The following CYTH3 variants were observed in gnomAD, a reference collection of about 807,000 sequenced individuals.
CYTH3 encodes cytohesin 3.
A neutral mutation model predicts 55.1 loss-of-function variants in CYTH3; 23 were observed. The observed-to-expected ratio is 0.42, with a 90% CI of 0.30 to 0.59. The LOEUF is 0.59. Among genes scored for constraint, CYTH3 ranks in the 20% least tolerant of loss-of-function variants. CYTH3 has a pLI of 0.20. For synonymous variants in CYTH3, 249 were observed against 194.9 expected, an observed-to-expected ratio of 1.28 and a Z score of -2.31; for missense variants, 413 against 524.8, an observed-to-expected ratio of 0.79 and a Z score of 2.08.
chr7:6,232,317 T>C (rs1179439780), intron 1 of CYTH3, among the ~76,000 whole-genome samples: 2 of 152,190 alleles, frequency 1.3e-5, no homozygotes, highest in Non-Finnish European at 2.9e-5. Context: ...ACTCTTAGAT[T>C]AAGCAAGCTC....
intron 1 of CYTH3, among the ~76,000 whole-genome samples, chr7:6,250,484 C>A (rs1045360203): frequency 2.0e-5 from 3 of 152,210 alleles, no homozygotes; most frequent in African/African-American, 7.2e-5. Flanking sequence ...CTCAGTTCCA[C>A]CCACAGGAGA....
At chr7:6,258,435 T>C (rs1780190040) in intron 1 of CYTH3, among the ~76,000 whole-genome samples, 1 of 152,224 alleles carries the variant, frequency 6.6e-6, no homozygotes, top group Admixed American at 6.5e-5. Flanking sequence ...GGTGACACTT[T>C]CACCTCTCCT....
At chr7:6,245,834 G>A (rs889361156) in intron 1 of CYTH3, among the ~76,000 whole-genome samples, 3 of 152,136 alleles carry the variant, frequency 2.0e-5, no homozygotes, top group African/African-American at 7.2e-5. Context: ...AACTTAGGAG[G>A]TCAAGGTTGC....
At position 6,170,644 on chromosome 7, in the gene CYTH3, A is replaced by T. The variant is rs530427375; in HGVS notation, c.714T>A (p.Asn238Lys). The change falls in exon 9 of 13, where the codon AAT (asparagine) becomes AAA (lysine). Residue 238 changes from asparagine to lysine, a missense_variant and splice_region_variant. Around this residue, in one of 4 missense-constraint regions of CYTH3, gnomAD observed 156 missense variants for 233.1 expected, o/e 0.67. Coordinates refer to ENST00000350796, the MANE Select transcript of CYTH3 (RefSeq NM_004227.4). This position sits in a 1 kb window ranked among gnomAD's most constrained non-coding sequence, Gnocchi z 7.8. Reference protein sequence around the residue: ...GGDLPEELLRNLYESIKNEPF... With the variant: ...GGDLPEELLRKLYESIKNEPF... ...GCTCGTTCTTAATGCTCTCATACAAATTCTGCAAGGAGGGAAAACAGCAGC... is the reference window on the plus strand; with the variant it reads ...GCTCGTTCTTAATGCTCTCATACAATTTCTGCAAGGAGGGAAAACAGCAGC... The T allele has an allele frequency of 1.2e-6, 2 of 1,613,522 alleles. No individual in the cohort carries two copies. Among genetic ancestry groups the T allele is most frequent in the South Asian group, 2.2e-5 (2 of 90,982 alleles).
chr7:6,211,846 T>G (rs1284175284), intron 1 of CYTH3, among the ~76,000 whole-genome samples: 1 of 151,814 alleles, frequency 6.6e-6, no homozygotes, highest in African/African-American at 2.4e-5. Flanking sequence ...ATTAGTCAGG[T>G]GTGGTGGCTT....
Position 6,164,419 on chromosome 7 carries a change from C to T in CYTH3, c.*525G>A, listed in dbSNP as rs1782925717. 1 of 153,968 alleles carries T rather than the reference C, an allele frequency of 6.5e-6. No individual in the cohort carries two copies. Among genetic ancestry groups the T allele is most frequent in the Non-Finnish European group, 1.4e-5 (1 of 68,996 alleles). The allele number at this position is 153,968 out of a possible 1,614,324, so 9.5% of individuals were successfully genotyped here. Reference sequence around the variant, plus strand: ...TAAAAAGGCATATAAAAGCTATAATCCTATATATCTGAGAAAAATTCTGAA... The same window carrying T: ...TAAAAAGGCATATAAAAGCTATAATTCTATATATCTGAGAAAAATTCTGAA... On this transcript the variant is annotated 3_prime_UTR_variant, in exon 13 of 13. Transcript: ENST00000350796.
At chr7:6,217,086 T>C (rs1045236765) in intron 1 of CYTH3, among the ~76,000 whole-genome samples, 2 of 152,150 alleles carry the variant, frequency 1.3e-5, no homozygotes, top group Admixed American at 1.3e-4. Flanking sequence ...CTAATTTTTC[T>C]ATTTTTAGTA....
chr7:6,193,731 C>T (rs1047921712), intron 1 of CYTH3, among the ~76,000 whole-genome samples: 6 of 152,170 alleles, frequency 3.9e-5, no homozygotes, highest in Admixed American at 1.3e-4. Context: ...CCTGCCTCTT[C>T]TCTCCCACGC....
At chr7:6,213,209 G>A (rs1360760540) in intron 1 of CYTH3, among the ~76,000 whole-genome samples, 1 of 152,190 alleles carries the variant, frequency 6.6e-6, no homozygotes, top group Admixed American at 6.5e-5. Flanking sequence ...AGACTACTCA[G>A]AACACAGGCT....
chr7:6,165,091 G>C, intron 12 of CYTH3, 75 bp from the exon 13 acceptor site: 2 of 1,599,036 alleles, frequency 1.3e-6, no homozygotes, highest in South Asian at 1.1e-5. Context: ...CAGCCCCAGA[G>C]GCCCCTCAGA....
chr7:6,171,145 C>A lies in CYTH3; in HGVS notation c.562+57G>T. On this transcript the variant is annotated intron_variant, in intron 7 of 12. Transcript: ENST00000350796. This position sits in a 1 kb window ranked among gnomAD's most constrained non-coding sequence, Gnocchi z 6.7. ...TGGGCTGTGCCCACAGGGGCCGCCC[C>A]CTCCAGAGCTGGAGGCTGTGCCTGG... The A allele has an allele frequency of 1.9e-6, 3 of 1,601,030 alleles. No individual in the cohort carries two copies. Among genetic ancestry groups the A allele is most frequent in the South Asian group, 1.1e-5 (1 of 90,794 alleles).
chr7:6,247,541 T>G (rs1779852340), intron 1 of CYTH3, among the ~76,000 whole-genome samples: 1 of 152,246 alleles, frequency 6.6e-6, no homozygotes, highest in South Asian at 2.1e-4. Flanking sequence ...AATTTAACTT[T>G]CTACATTGTA....
At chr7:6,202,362 C>G (rs960423139) in intron 1 of CYTH3, among the ~76,000 whole-genome samples, 4 of 152,116 alleles carry the variant, frequency 2.6e-5, no homozygotes, top group African/African-American at 9.7e-5. Flanking sequence ...GGCCTTCCAG[C>G]TGAATATGAC....
At chr7:6,247,357 T>G (rs1330891488) in intron 1 of CYTH3, among the ~76,000 whole-genome samples, 1 of 152,232 alleles carries the variant, frequency 6.6e-6, no homozygotes, top group Non-Finnish European at 1.5e-5. Flanking sequence ...CTCTTGCTCT[T>G]TCTTGCTCTT....
chr7:6,199,069 T>A (rs1428266520), intron 1 of CYTH3, among the ~76,000 whole-genome samples: 1 of 152,148 alleles, frequency 6.6e-6, no homozygotes, highest in Admixed American at 6.6e-5. Flanking sequence ...GAAAAAACAA[T>A]GTGGAAAGAA....
intron 4 of CYTH3, among the ~76,000 whole-genome samples, chr7:6,182,330 G>A (rs909899240): frequency 4.6e-5 from 7 of 152,080 alleles, no homozygotes; most frequent in Admixed American, 3.3e-4. Context: ...GATTACAGGC[G>A]TGAGCCACCG....
Position 6,268,421 on chromosome 7 carries a change from C to T in CYTH3, c.34+4053G>A, listed in dbSNP as rs11763830. ...CTGACCTCAAATGATCCACCCGCCT[C>T]GGCCTCCCAAAGTGCTAGGATTATA... On this transcript the variant is annotated intron_variant, in intron 1 of 12. Coordinates refer to ENST00000350796, the MANE Select transcript of CYTH3 (RefSeq NM_004227.4). Among the ~76,000 whole-genome samples, 382 of 152,226 alleles carry T rather than the reference C, an allele frequency of 2.5e-3. 2 individuals are homozygous for T. The highest frequency in any genetic ancestry group is 0.01 in the Middle Eastern group (3 of 294).
chr7:6,259,831 TA>T (rs143299178), intron 1 of CYTH3, among the ~76,000 whole-genome samples: 7,882 of 26,682 alleles, frequency 0.3, 1,366 homozygotes, highest in Non-Finnish European at 0.31. Flanking sequence ...TATATATATA[TA>T]TTTTTTTTTT....
intron 9 of CYTH3, among the ~76,000 whole-genome samples, chr7:6,166,483 C>CA (rs1783013077): frequency 6.6e-6 from 1 of 152,212 alleles, no homozygotes; most frequent in Admixed American, 6.5e-5. Flanking sequence ...CTCTCTGCCC[C>CA]ATGCCTCTCC....
Sources: allele counts gnomAD v4.1 joint callset (sites outside exome capture counted in the v4.1 genomes callset), GRCh38; gene constraint gnomAD v4.1.1; regional missense constraint gnomAD v4.1.1; non-coding constraint Gnocchi (gnomAD v3.1); transcripts MANE v1.5; gene names NCBI Gene and HGNC (gene_info 2026-07-23, HGNC 2026-07-21).